Variants in AGBL1 observed in about 807,000 individuals in gnomAD.
AGBL1 encodes cytosolic carboxypeptidase 4.
In AGBL1, 130 loss-of-function variants were observed where a neutral mutation model predicts 118.9. The ratio of observed to expected loss-of-function variants is 1.09; its 90% confidence interval spans 0.95 to 1.26. The LOEUF is 1.26. Among genes scored for constraint, AGBL1 ranks in the 50% most tolerant of loss-of-function variants. The pLI, the probability that AGBL1 is intolerant of heterozygous loss-of-function variation, is 0.00. For synonymous variants in AGBL1, 555 were observed against 478.9 expected, an observed-to-expected ratio of 1.16 and a Z score of -2.08; for missense variants, 1,584 against 1,298.1, an observed-to-expected ratio of 1.22 and a Z score of -3.38.
At chr15:86,678,235 T>C (rs1283796032) in intron 22 of AGBL1, among the ~76,000 whole-genome samples, 4 of 152,152 alleles carry the variant, frequency 2.6e-5, no homozygotes, top group African/African-American at 9.6e-5. Flanking sequence ...ATTCCTAGGT[T>C]ATATTTTTTA....
chr15:86,204,792 G>A (rs1057189898), intron 5 of AGBL1, among the ~76,000 whole-genome samples: 1 of 152,082 alleles, frequency 6.6e-6, no homozygotes, highest in African/African-American at 2.4e-5. Flanking sequence ...GTTTCGCCAT[G>A]TTGGCCAGCC....
At chr15:86,341,727 C>T (rs1386894517) in intron 17 of AGBL1, among the ~76,000 whole-genome samples, 1 of 152,130 alleles carries the variant, frequency 6.6e-6, no homozygotes, top group East Asian at 1.9e-4. Context: ...AGAGACCAAT[C>T]GAGTTGCCCA....
At chr15:86,744,886 C>G (rs911055679) in intron 22 of AGBL1, among the ~76,000 whole-genome samples, 1 of 152,140 alleles carries the variant, frequency 6.6e-6, no homozygotes, top group Admixed American at 6.5e-5. Flanking sequence ...TGGTGTCATT[C>G]TGCAAACCTC....
intron 17 of AGBL1, among the ~76,000 whole-genome samples, chr15:86,320,793 A>G (rs1266679591): frequency 6.6e-6 from 1 of 151,954 alleles, no homozygotes; most frequent in African/African-American, 2.4e-5. Flanking sequence ...CACTTGCTAT[A>G]AGATTTTTAA....
intron 22 of AGBL1, among the ~76,000 whole-genome samples, chr15:86,677,682 A>G (rs1414227479): frequency 6.6e-6 from 1 of 151,806 alleles, no homozygotes; most frequent in African/African-American, 2.4e-5. Context: ...ATGGCTCAAC[A>G]CCTCCCGTGT....
intron 18 of AGBL1, among the ~76,000 whole-genome samples, chr15:86,490,138 C>G (rs1002058910): frequency 6.6e-6 from 1 of 152,076 alleles, no homozygotes; most frequent in African/African-American, 2.4e-5. Context: ...CCATCTTAGC[C>G]TTCTTCCTTA....
chr15:86,659,842 A>G (rs541223991), intron 21 of AGBL1, among the ~76,000 whole-genome samples: 8 of 152,310 alleles, frequency 5.3e-5, no homozygotes, highest in Admixed American at 5.2e-4. Flanking sequence ...CCTCCTGAGC[A>G]CTTGGGCATC....
chr15:86,491,089 T>G (rs1448209777), intron 18 of AGBL1, among the ~76,000 whole-genome samples: 1 of 152,122 alleles, frequency 6.6e-6, no homozygotes. Context: ...CAGACACATA[T>G]AAGAACGAGT....
At chr15:86,854,215 T>C (rs971392878) in intron 22 of AGBL1, among the ~76,000 whole-genome samples, 3 of 152,166 alleles carry the variant, frequency 2.0e-5, no homozygotes, top group Admixed American at 1.3e-4. Flanking sequence ...GATGGGGGTG[T>C]ACATCCCTTT....
At chr15:86,858,752 T>C (rs541103133) in intron 22 of AGBL1, among the ~76,000 whole-genome samples, 2 of 152,082 alleles carry the variant, frequency 1.3e-5, no homozygotes, top group Non-Finnish European at 2.9e-5. Context: ...TCATGAAGAA[T>C]CAGGAAACTT....
Position 86,494,706 on chromosome 15 carries a change from C to G in AGBL1, c.2556-28104C>G, listed in dbSNP as rs532205505. On this transcript the variant is annotated intron_variant, in intron 18 of 22. Transcript: ENST00000614907. ...TTTCAGTTAGTACTTTTATTTAGAA[C>G]TATCCTTGCTTGAAAAGAAGATGTC... is the stretch of plus-strand genomic sequence containing the variant. Among the ~76,000 whole-genome samples, 4 of 152,184 alleles carry G rather than the reference C, an allele frequency of 2.6e-5. No homozygotes were observed. The South Asian group carries it at 8.3e-4, about 32-fold the overall frequency.
intron 17 of AGBL1, among the ~76,000 whole-genome samples, chr15:86,325,386 GGGTAACTTTTGA>G (rs2080168989): frequency 6.6e-6 from 1 of 152,172 alleles, no homozygotes; most frequent in African/African-American, 2.4e-5. Flanking sequence ...TTTCTTAAAT[GGGTAACTTTTGA>G]GGTTTTAAGA....
intron 21 of AGBL1, among the ~76,000 whole-genome samples, chr15:86,658,716 G>T (rs553635727): frequency 2.0e-5 from 3 of 152,124 alleles, no homozygotes; most frequent in Non-Finnish European, 4.4e-5. Context: ...CATAGCCAGA[G>T]TTCCTAGGCT....
chr15:86,868,943 G>A (rs189162458), intron 22 of AGBL1, among the ~76,000 whole-genome samples: 7 of 152,212 alleles, frequency 4.6e-5, no homozygotes, highest in African/African-American at 7.2e-5. Context: ...AAAGTGGCAC[G>A]TCCACCTTGG....
intron 21 of AGBL1, among the ~76,000 whole-genome samples, chr15:86,567,368 T>A (rs1372203845): frequency 6.6e-6 from 1 of 152,206 alleles, no homozygotes. Context: ...ACTCATTTAT[T>A]CTATCTGTCA....
In AGBL1 at chr15:86,389,567, T is replaced by C. The variant is rs1289475528; in HGVS notation, c.2375-7799T>C. Among the ~76,000 whole-genome samples the C allele has an allele frequency of 2.0e-5, 3 of 152,256 alleles. No individual in the cohort carries two copies. The South Asian group carries it at 6.2e-4, about 32-fold the overall frequency. Reference sequence around the variant, plus strand: ...GAGAAAAATGAAACCTGATGAAAGTTTGTAGATGCAGCAAGGAGTGAGGAG... The same window carrying C: ...GAGAAAAATGAAACCTGATGAAAGTCTGTAGATGCAGCAAGGAGTGAGGAG... On this transcript the variant is annotated intron_variant, in intron 17 of 22. Transcript: ENST00000614907.
intron 18 of AGBL1, among the ~76,000 whole-genome samples, chr15:86,406,766 T>C (rs1353405525): frequency 6.6e-6 from 1 of 152,228 alleles, no homozygotes; most frequent in Non-Finnish European, 1.5e-5. Flanking sequence ...TTTTGTAGTA[T>C]AATTTATAAA....
chr15:86,999,778 T>A (rs918098358), intron 24 of AGBL1, among the ~76,000 whole-genome samples: 33 of 144,954 alleles, frequency 2.3e-4, no homozygotes, highest in Admixed American at 3.4e-4. Flanking sequence ...TATTTCCAGT[T>A]CTAGATCCCT....
In AGBL1 at chr15:86,689,252, T is replaced by C. The variant is rs112554614; in HGVS notation, c.3158+14816T>C. On this transcript the variant is annotated intron_variant, in intron 22 of 22. Coordinates refer to ENST00000614907, the MANE Select transcript of AGBL1 (RefSeq NM_001386094.1). ...TGACATTCAAGTCTCAGCTTAAATG[T>C]CATAATCTCAGCTTAAATTTCACCA... 7.3e-3 allele frequency among the ~76,000 whole-genome samples: 1,109 copies of C among 152,234 alleles called. 14 individuals carry two copies. Among genetic ancestry groups the C allele is most frequent in the African/African-American group, 0.025 (1,040 of 41,548 alleles).
Sources: allele counts gnomAD v4.1 joint callset (sites outside exome capture counted in the v4.1 genomes callset), GRCh38; gene constraint gnomAD v4.1.1; transcripts MANE v1.5; gene names NCBI Gene and HGNC (gene_info 2026-07-23, HGNC 2026-07-21).